The following PHF20L1 variants were observed in gnomAD, a reference collection of about 807,000 sequenced individuals.
PHF20L1 encodes PHD finger protein 20-like protein 1.
PHF20L1 carries 44 observed loss-of-function variants against 125.5 expected under a neutral mutation model. The ratio of observed to expected loss-of-function variants is 0.35; its 90% confidence interval spans 0.28 to 0.45. PHF20L1 has a LOEUF of 0.45. Among genes scored for constraint, PHF20L1 ranks in the 20% least tolerant of loss-of-function variants. The probability of loss-of-function intolerance (pLI) is 1.00; values close to 1 mark genes in which losing one functional copy is unlikely to be tolerated. For synonymous variants in PHF20L1, 380 were observed against 403.1 expected, an observed-to-expected ratio of 0.94 and a Z score of 0.69; for missense variants, 1,012 against 1,217.2, an observed-to-expected ratio of 0.83 and a Z score of 2.51.
chr8:132,832,927 C>T (rs955643064), intron 15 of PHF20L1, among the ~76,000 whole-genome samples: 16 of 152,082 alleles, frequency 1.1e-4, no homozygotes, highest in Admixed American at 5.2e-4. Flanking sequence ...AGGAACTAAG[C>T]GCCCTTAGGT....
chr8:132,794,222 A>G (rs998342177), intron 2 of PHF20L1, among the ~76,000 whole-genome samples, 188 bp from the exon 3 acceptor site: 1 of 152,198 alleles, frequency 6.6e-6, no homozygotes, highest in Non-Finnish European at 1.5e-5. Flanking sequence ...GAGTTTATTC[A>G]GATCTTGAGG....
intron 5 of PHF20L1, 26 bp downstream of exon 5, chr8:132,798,886 A>T (rs1295025304): frequency 6.9e-7 from 1 of 1,458,694 alleles, no homozygotes; most frequent in South Asian, 1.2e-5. Flanking sequence ...ATTCCTAGCT[A>T]CCCAAAGGGT....
At chr8:132,820,008 A>G (rs903870262) in intron 12 of PHF20L1, among the ~76,000 whole-genome samples, 4 of 151,844 alleles carry the variant, frequency 2.6e-5, no homozygotes, top group Non-Finnish European at 4.4e-5. Context: ...AGATAGTCCA[A>G]TTATTATATA....
At position 132,788,314 on chromosome 8, in the gene PHF20L1, C is replaced by A. The variant is rs191095160; in HGVS notation, c.84-6096C>A. Among the ~76,000 whole-genome samples the A allele has an allele frequency of 1.2e-3, 177 of 152,136 alleles. 3 individuals carry two copies. Among genetic ancestry groups the A allele is most frequent in the Non-Finnish European group, 2.6e-4 (18 of 67,946 alleles). On this transcript the variant is annotated intron_variant, in intron 2 of 20. Transcript: ENST00000395386. ...TGAATTAGACATCCTATTGGCTTAT[C>A]CATATAAACAAGAAAGTGATTATTT...
intron 15 of PHF20L1, among the ~76,000 whole-genome samples, chr8:132,833,396 T>A (rs1328121358): frequency 6.6e-6 from 1 of 152,040 alleles, no homozygotes; most frequent in Non-Finnish European, 1.5e-5. Context: ...TGGGAGGGGA[T>A]TAAAAAAGAA....
chr8:132,803,942 G>A lies in PHF20L1; in HGVS notation c.631G>A (p.Val211Ile). 1 of 1,611,942 alleles carries A rather than the reference G, an allele frequency of 6.2e-7. No homozygotes were observed. Among genetic ancestry groups the A allele is most frequent in the Non-Finnish European group, 8.5e-7 (1 of 1,178,460 alleles). ...KDKDERKWFK[V>I]PSKKEETSTC... is the part of the protein sequence containing the mutation. Reference sequence around the variant, plus strand: ...TAAAGATGAGAGAAAGTGGTTTAAAGTACCTTCAAAGAAGGAGGAAACTTC... The same window carrying A: ...TAAAGATGAGAGAAAGTGGTTTAAAATACCTTCAAAGAAGGAGGAAACTTC... Residue 211 changes from valine to isoleucine, a missense_variant, in exon 7 of 21, where the codon GTA (valine) becomes ATA (isoleucine). Coordinates refer to ENST00000395386, the MANE Select transcript of PHF20L1 (RefSeq NM_016018.5).
intron 18 of PHF20L1, among the ~76,000 whole-genome samples, chr8:132,840,948 T>C (rs956948016): frequency 2.0e-5 from 3 of 152,048 alleles, no homozygotes; most frequent in Non-Finnish European, 4.4e-5. Context: ...TTGAATAAAA[T>C]TTGCTTCAGT....
intron 7 of PHF20L1, 132 bp from the exon 8 acceptor site, chr8:132,804,483 C>T: frequency 8.8e-6 from 5 of 565,892 alleles, no homozygotes; most frequent in East Asian, 6.2e-5. Context: ...TTGTGTTTTT[C>T]AAAGGTCTGT....
chr8:132,780,554 A>AT (rs986447545), intron 2 of PHF20L1, among the ~76,000 whole-genome samples: 15 of 151,838 alleles, frequency 9.9e-5, no homozygotes, highest in African/African-American at 3.6e-4. Flanking sequence ...TTCATATTCT[A>AT]TTTTTTGCAT....
chr8:132,817,228 C>A, intron 11 of PHF20L1, 111 bp from the exon 12 acceptor site: 2 of 984,014 alleles, frequency 2.0e-6, no homozygotes, highest in Non-Finnish European at 3.0e-6. Context: ...TTATTGAGTG[C>A]CTTCTTTGTG....
chr8:132,825,374 A>T lies in PHF20L1; in HGVS notation c.1744+3A>T, dbSNP rs777414931. The T allele has an allele frequency of 9.4e-6, 14 of 1,487,610 alleles. No homozygotes were observed. The Admixed American group carries it at 3.5e-4, about 37-fold the overall frequency. The allele number at this position is 1,487,610 out of a possible 1,614,324, so 92.2% of individuals were successfully genotyped here. On this transcript the variant is annotated splice_donor_region_variant and intron_variant, in intron 14 of 20. Coordinates refer to ENST00000395386, the MANE Select transcript of PHF20L1 (RefSeq NM_016018.5). ...GAAAAAGAAATCTAAGCAACATGGT[A>T]AGTACACTGAGATGATTATTCCCTC...
chr8:132,791,991 C>G (rs1396231657), intron 2 of PHF20L1, among the ~76,000 whole-genome samples: 2 of 152,134 alleles, frequency 1.3e-5, no homozygotes, highest in African/African-American at 2.4e-5. Context: ...TGATTCTTTA[C>G]TGAATTAAGT....
intron 12 of PHF20L1, among the ~76,000 whole-genome samples, chr8:132,822,981 A>T (rs577959015): frequency 7.2e-5 from 11 of 152,108 alleles, no homozygotes; most frequent in African/African-American, 2.6e-4. Context: ...ACTAGCCACA[A>T]ATAGATATTA....
chr8:132,840,404 C>T (rs149368023), intron 18 of PHF20L1, among the ~76,000 whole-genome samples: 2 of 152,236 alleles, frequency 1.3e-5, no homozygotes, highest in Admixed American at 6.5e-5. Context: ...GATTGCCATG[C>T]TTGTCCATTC....
intron 18 of PHF20L1, among the ~76,000 whole-genome samples, chr8:132,840,037 A>G (rs1837772443): frequency 6.6e-6 from 1 of 152,116 alleles, no homozygotes; most frequent in Admixed American, 6.6e-5. Flanking sequence ...TGCACCAAAT[A>G]TGTTAGTCAT....
intron 4 of PHF20L1, among the ~76,000 whole-genome samples, chr8:132,798,549 A>T (rs1432475598): frequency 6.6e-6 from 1 of 152,034 alleles, no homozygotes; most frequent in Non-Finnish European, 1.5e-5. Context: ...ACATGGAACT[A>T]ACTTATCAAG....
At chr8:132,834,683 A>G (rs969594108) in intron 15 of PHF20L1, among the ~76,000 whole-genome samples, 2 of 152,044 alleles carry the variant, frequency 1.3e-5, no homozygotes, top group African/African-American at 4.8e-5. Context: ...TGTTTTACCC[A>G]CATTCCAATG....
chr8:132,784,776 T>G (rs577372873), intron 2 of PHF20L1, among the ~76,000 whole-genome samples: 1 of 152,328 alleles, frequency 6.6e-6, no homozygotes, highest in South Asian at 2.1e-4. Flanking sequence ...GCTTTGCGCC[T>G]CAGTTAACTA....
rs183637126 is a variant in PHF20L1 at position 132,784,732 on chromosome 8, A to G, written c.83+6821A>G. On this transcript the variant is annotated intron_variant, in intron 2 of 20. Transcript: ENST00000395386. ...TGGCTCCCAATATAGTGATCTCTCC[A>G]CTATAACCCATTGTCTTGCATAGAT... Among the ~76,000 whole-genome samples, 624 of 152,326 alleles carry G rather than the reference A, an allele frequency of 4.1e-3. 3 individuals carry two copies. Among genetic ancestry groups the G allele is most frequent in the African/African-American group, 0.014 (591 of 41,574 alleles).
Sources: gnomAD v4.1 joint callset for allele counts (sites outside exome capture counted in the v4.1 genomes callset) on GRCh38, gnomAD v4.1.1 for gene constraint, MANE v1.5 for transcripts, NCBI Gene and HGNC (gene_info 2026-07-23, HGNC 2026-07-21) for gene names.